The following TRPM7 variants were observed in gnomAD, a reference collection of about 807,000 sequenced individuals.
TRPM7 encodes the protein transient receptor potential cation channel subfamily M member 7.
Under a neutral mutation model 229.7 loss-of-function variants are expected in TRPM7, and 134 were observed. The ratio of observed to expected loss-of-function variants is 0.58; its 90% CI spans 0.51 to 0.67. The LOEUF (loss-of-function observed/expected upper bound fraction) is 0.67. Ranked by LOEUF, TRPM7 falls within the 30% of genes least tolerant of loss-of-function variation. The pLI, the probability that TRPM7 is intolerant of heterozygous loss-of-function variation, is 0.00. For synonymous variants in TRPM7, 699 were observed against 715.2 expected (o/e 0.98, Z 0.36); for missense variants, 1,901 against 2,210.0 (o/e 0.86, Z 2.80).
In TRPM7 at chr15:50,672,974, T is replaced by C. The variant is rs1266753954; in HGVS notation, c.4-9928A>G. The stretch of plus-strand genomic sequence containing the variant: ...AAAATGTTTTTATGCAGCTGTACAA[T>C]GTGTTTTATACGAAGTGTTATTACA... On this transcript the variant is annotated intron_variant, in intron 1 of 38. Coordinates refer to ENST00000646667, the MANE Select transcript of TRPM7 (RefSeq NM_017672.6). Among the ~76,000 whole-genome samples, 4 of 146,944 alleles carry C rather than the reference T, an allele frequency of 2.7e-5. No individual in the cohort carries two copies. The Admixed American group carries it at 2.8e-4, about 10-fold the overall frequency.
intron 6 of TRPM7, among the ~76,000 whole-genome samples, chr15:50,638,645 A>G (rs1314084830): frequency 6.7e-6 from 1 of 150,218 alleles, no homozygotes; most frequent in Non-Finnish European, 1.5e-5. Flanking sequence ...ATTTAATAAC[A>G]CTTGAAAGTG....
At position 50,682,173 on chromosome 15, in the gene TRPM7, CAAA is replaced by C. The variant is rs34590459; in HGVS notation, c.3+4355_3+4357del. Among the ~76,000 whole-genome samples the C allele has an allele frequency of 4.6e-4, 29 of 63,678 alleles. 1 individual carries two copies. In the Admixed American group the frequency reaches 5.1e-3, roughly 11 times the overall value. 41.8% of individuals were successfully genotyped at this position (63,678 alleles called of 152,430 possible). A position where few individuals can be genotyped will look rare whatever the true frequency, so the allele number is the denominator to read the frequency against. ...TGGGCAAAAGAGCAAAACTCAGTCTCAAAAAAAAAAAAAAAAAAGGACTGTGAC... is the reference window on the plus strand; with the variant it reads ...TGGGCAAAAGAGCAAAACTCAGTCTCAAAAAAAAAAAAAAAGGACTGTGAC... On this transcript the variant is annotated intron_variant, in intron 1 of 38. Coordinates refer to ENST00000646667, the MANE Select transcript of TRPM7 (RefSeq NM_017672.6).
At chr15:50,675,508 A>T (rs1378130979) in intron 1 of TRPM7, among the ~76,000 whole-genome samples, 1 of 152,170 alleles carries the variant, frequency 6.6e-6, no homozygotes, top group African/African-American at 2.4e-5. Flanking sequence ...CTTGTTACAC[A>T]GGAATCGGCT....
chr15:50,668,334 G>A (rs1318784286), intron 1 of TRPM7, among the ~76,000 whole-genome samples: 2 of 152,040 alleles, frequency 1.3e-5, no homozygotes, highest in East Asian at 1.9e-4. Flanking sequence ...TTAAAACGTC[G>A]CTGATCCTTT....
In TRPM7 at chr15:50,634,087, G is replaced by C. The variant is rs142033565; in HGVS notation, c.1007+295C>G. On this transcript the variant is annotated intron_variant, in intron 8 of 38. Transcript: ENST00000646667. ...TAATCCCAGCACTTTGGGAGGCTGA[G>C]GCAGGTGGATCACTTGAGGTCAGGA... Among the ~76,000 whole-genome samples the C allele has an allele frequency of 5.9e-5, 9 of 152,276 alleles. No homozygotes were observed. In the East Asian group the frequency reaches 1.7e-3, roughly 29 times the overall value.
chr15:50,641,985 A>G (rs935735068), intron 5 of TRPM7, among the ~76,000 whole-genome samples: 4 of 142,740 alleles, frequency 2.8e-5, no homozygotes, highest in Non-Finnish European at 6.2e-5. Flanking sequence ...GGGTGACAGC[A>G]AGACTCTGTC....
chr15:50,580,213 CTTTT>C (rs35947660), intron 30 of TRPM7, among the ~76,000 whole-genome samples: 8 of 149,642 alleles, frequency 5.3e-5, no homozygotes, highest in Non-Finnish European at 1.0e-4. Flanking sequence ...CAAAACAAGA[CTTTT>C]TTTTTTATTT....
chr15:50,676,716 A>C (rs1017820649), intron 1 of TRPM7, among the ~76,000 whole-genome samples: 3 of 152,122 alleles, frequency 2.0e-5, no homozygotes, highest in African/African-American at 7.2e-5. Flanking sequence ...AACAGTCCCC[A>C]TCCTATGCCT....
At chr15:50,640,846 G>T (rs957736587) in intron 5 of TRPM7, among the ~76,000 whole-genome samples, 1 of 152,144 alleles carries the variant, frequency 6.6e-6, no homozygotes, top group Admixed American at 6.6e-5. Flanking sequence ...CCATGAGAGG[G>T]AGGACACAGT....
intron 25 of TRPM7, 61 bp downstream of exon 25, chr15:50,593,556 A>C (rs759501753): frequency 3.3e-6 from 5 of 1,526,424 alleles, no homozygotes; most frequent in Non-Finnish European, 4.5e-6. Flanking sequence ...CATGTATAAG[A>C]AATATAACGA....
chr15:50,615,254 C>T (rs1464990405), intron 13 of TRPM7, among the ~76,000 whole-genome samples: 1 of 149,244 alleles, frequency 6.7e-6, no homozygotes, highest in Admixed American at 6.7e-5. Context: ...CAAAAAATTG[C>T]ATTTTTCTGG....
In TRPM7 at chr15:50,609,808, T is replaced by C. The variant is rs905363247; in HGVS notation, c.2434A>G (p.Met812Val). Residue 812 changes from methionine to valine, a missense_variant and splice_region_variant, in exon 18 of 39, where the codon ATG (methionine) becomes GTG (valine). Around this residue, in one of 8 missense-constraint regions of TRPM7, gnomAD observed 207 missense variants for 241.5 expected, o/e 0.86. Transcript: ENST00000646667. ...CTTTAAAATGTTTTCCTGCTTACCA[T>C]GGGGATCTCTTCTGTTATGTTCTGA... ...NFQNITEEIP[M>V]EVFKEVRILD... The C allele has an allele frequency of 3.1e-6, 5 of 1,608,480 alleles. No homozygotes were observed. The highest frequency in any genetic ancestry group is 1.1e-5 in the South Asian group (1 of 88,736).
At chr15:50,568,123 A>C (rs944925522) in intron 38 of TRPM7, among the ~76,000 whole-genome samples, 3 of 151,152 alleles carry the variant, frequency 2.0e-5, no homozygotes, top group African/African-American at 7.3e-5. Context: ...AAAAAAAAAA[A>C]AAAAAAAAAC....
Position 50,574,670 on chromosome 15 carries a change from T to C in TRPM7, c.5069A>G (p.Gln1690Arg), listed in dbSNP as rs1436420370. The change falls in exon 35 of 39, where the codon CAA becomes CGA. Residue 1690 changes from glutamine to arginine, a missense_variant. Transcript: ENST00000646667. ...AAQKLTFAFN[Q>R]MKPKSIPYSP... Reference sequence around the variant, plus strand: ...ATATGGTATGGATTTGGGTTTCATTTGATTAAAGGCAAACGTAAGCTTTTG... The same window carrying C: ...ATATGGTATGGATTTGGGTTTCATTCGATTAAAGGCAAACGTAAGCTTTTG... 6.2e-7 allele frequency: 1 copy of C among 1,613,702 alleles called. No homozygotes were observed. Among genetic ancestry groups the C allele is most frequent in the Non-Finnish European group, 8.5e-7 (1 of 1,179,934 alleles).
At chr15:50,631,928 TC>T (rs2060748100) in intron 9 of TRPM7, among the ~76,000 whole-genome samples, 1 of 152,148 alleles carries the variant, frequency 6.6e-6, no homozygotes, top group Non-Finnish European at 1.5e-5. Flanking sequence ...TTTGTTTTGG[TC>T]AATATTTTTA....
chr15:50,610,319 G>A (rs1238454857), intron 17 of TRPM7, among the ~76,000 whole-genome samples: 1 of 152,044 alleles, frequency 6.6e-6, no homozygotes, highest in Non-Finnish European at 1.5e-5. Flanking sequence ...AAGGTGCTAT[G>A]TCCTTAATTT....
intron 23 of TRPM7, among the ~76,000 whole-genome samples, chr15:50,595,559 GT>G (rs1432012927): frequency 6.6e-6 from 1 of 151,888 alleles, no homozygotes; most frequent in Non-Finnish European, 1.5e-5. Context: ...TTATAAAACA[GT>G]ACATAAAATA....
intron 5 of TRPM7, 128 bp from the exon 6 acceptor site, chr15:50,639,676 C>G: frequency 1.5e-6 from 1 of 668,676 alleles, no homozygotes; most frequent in Non-Finnish European, 2.3e-6. Flanking sequence ...AAGCGATCCT[C>G]CCTTGTGAGC....
chr15:50,648,130 G>C (rs547959241), intron 4 of TRPM7, among the ~76,000 whole-genome samples: 1 of 132,306 alleles, frequency 7.6e-6, no homozygotes, highest in South Asian at 2.5e-4. Context: ...AAGAGGGTGT[G>C]CATAGATTAC....
Sources: allele counts gnomAD v4.1 joint callset (sites outside exome capture counted in the v4.1 genomes callset), GRCh38; gene constraint gnomAD v4.1.1; regional missense constraint gnomAD v4.1.1; transcripts MANE v1.5; gene names NCBI Gene and HGNC (gene_info 2026-07-23, HGNC 2026-07-21).